Variants in LONRF3 observed in about 807,000 individuals in gnomAD.
LONRF3 encodes the protein LON peptidase N-terminal domain and ring finger 3.
Under a neutral mutation model 51.7 loss-of-function variants are expected in LONRF3, and 19 were observed. That is an observed-to-expected ratio of 0.37 (90% CI 0.26 to 0.54). The LOEUF (loss-of-function observed/expected upper bound fraction) is 0.54, where lower values mean the gene tolerates loss of function less well. Ranked by LOEUF, LONRF3 falls within the 20% of genes least tolerant of loss-of-function variation. The probability of loss-of-function intolerance (pLI) is 0.86; values close to 1 mark genes in which losing one functional copy is unlikely to be tolerated. For missense variants in LONRF3, 521 were observed against 623.9 expected (o/e 0.84, Z 1.76); for synonymous variants, 265 against 257.8 (o/e 1.03, Z -0.27).
chrX:118,988,356 A>G (rs1923162420), intron 3 of LONRF3, among the ~76,000 whole-genome samples: 1 of 111,878 alleles, frequency 8.9e-6, no homozygotes, highest in Non-Finnish European at 1.9e-5. Flanking sequence ...TCCAATGTCA[A>G]CCAGCTGGGG....
chrX:119,014,812 C>T (rs987503611), intron 10 of LONRF3, among the ~76,000 whole-genome samples: 1 of 111,496 alleles, frequency 9.0e-6, no homozygotes, highest in African/African-American at 3.3e-5. Context: ...GGGGATAGGG[C>T]CAGCTACCCT....
rs371160667 is a variant in LONRF3, at chrX:118,975,381, G to C, written c.601G>C (p.Ala201Pro). The C allele has an allele frequency of 4.7e-5, 57 of 1,205,545 alleles. No homozygotes were observed. The African/African-American group carries it at 8.7e-4, about 18-fold the overall frequency. The change falls in exon 1 of 11, where the codon GCC (alanine) becomes CCC (proline). Residue 201 changes from alanine (A) to proline (P), a missense_variant. Physicochemically the swap from Ala to Pro is conservative, Grantham distance 27 (BLOSUM62 -1). Coordinates refer to ENST00000371628, the MANE Select transcript of LONRF3 (RefSeq NM_001031855.3). The stretch of plus-strand genomic sequence containing the variant: ...TGCGCTGTGCGGGGTCAAGCTCTCC[G>C]CCTTGATGGTGGCCACTGGGCGGGC... ...RCALCGVKLS[A>P]LMVATGRARG...
Position 119,014,283 on chromosome X carries a change from C to A in LONRF3, c.2051C>A (p.Ser684Ter). The A allele has an allele frequency of 8.3e-7, 1 of 1,209,721 alleles. No homozygotes were observed. Among genetic ancestry groups the A allele is most frequent in the Non-Finnish European group, 1.1e-6 (1 of 893,775 alleles). Residue 684 changes from serine to a stop codon, truncating the protein, a stop_gained, in exon 10 of 11, where the codon TCG becomes TAG. Transcript: ENST00000371628. LOFTEE classifies it high-confidence loss of function. ...VYQQASLWFH[S>*]LKLSLKNRIL... is the part of the protein sequence containing the mutation. The stretch of plus-strand genomic sequence containing the variant: ...CAGCAAGCATCATTGTGGTTTCATT[C>A]GCTCAAATTATCCCTAAAGAATCGG...
rs767095760 is a variant in LONRF3 at position 119,009,894 on chromosome X, C to T, written c.1652+647C>T. On this transcript the variant is annotated intron_variant, in intron 7 of 10. Coordinates refer to ENST00000371628, the MANE Select transcript of LONRF3 (RefSeq NM_001031855.3). ...AAGCGATTCTCCTGCCTCAGCCACC[C>T]GAGTAGCTGAGATTACAGGCATGCA... Among the ~76,000 whole-genome samples, 6 of 110,832 alleles carry T rather than the reference C, an allele frequency of 5.4e-5. No individual in the cohort carries two copies. The East Asian group carries it at 1.7e-3, about 32-fold the overall frequency.
chrX:119,013,540 C>T (rs907728150), intron 9 of LONRF3, among the ~76,000 whole-genome samples: 7 of 111,722 alleles, frequency 6.3e-5, no homozygotes, highest in African/African-American at 2.3e-4. Context: ...TTTTATCTAT[C>T]GATTTATGTA....
At chrX:119,012,678 C>T (rs1226634395) in intron 8 of LONRF3, among the ~76,000 whole-genome samples, 2 of 111,658 alleles carry the variant, frequency 1.8e-5, no homozygotes, top group East Asian at 5.6e-4. Context: ...ACCATATCAG[C>T]ATTAATGCAT....
intron 9 of LONRF3, 21 bp from the exon 10 acceptor site, chrX:119,014,186 C>T: frequency 8.4e-7 from 1 of 1,195,654 alleles, no homozygotes. Flanking sequence ...GAATGTTTCA[C>T]TTCCACTTTG....
chrX:118,981,660 C>T (rs1362819186), intron 2 of LONRF3, among the ~76,000 whole-genome samples: 2 of 110,892 alleles, frequency 1.8e-5, no homozygotes, highest in African/African-American at 3.3e-5. Context: ...GGGAGGCCAT[C>T]AACATCCATG....
At chrX:118,983,076 A>G (rs1922693164) in intron 3 of LONRF3, 133 bp downstream of exon 3, 1 of 624,950 alleles carries the variant, frequency 1.6e-6, no homozygotes, top group East Asian at 3.5e-5. Flanking sequence ...GGTTAAGGGG[A>G]CAAAAGGGAG....
At chrX:119,008,834 ATTTCAGTG>A (rs1924906215) in intron 6 of LONRF3, among the ~76,000 whole-genome samples, 1 of 111,997 alleles carries the variant, frequency 8.9e-6, no homozygotes, top group Admixed American at 9.5e-5. Flanking sequence ...CATGATCTTG[ATTTCAGTG>A]TTTCAGAAAA....
chrX:118,984,373 A>C (rs1011604096), intron 3 of LONRF3, among the ~76,000 whole-genome samples: 1 of 112,643 alleles, frequency 8.9e-6, no homozygotes, highest in Non-Finnish European at 1.9e-5. Context: ...TTCCAGTTCC[A>C]GGATGAACAA....
At chrX:119,012,935 G>A (rs1204666038) in intron 8 of LONRF3, 104 bp from the exon 9 acceptor site, 2 of 1,203,815 alleles carry the variant, frequency 1.7e-6, no homozygotes, top group Admixed American at 4.4e-5. Flanking sequence ...ATAGGCAGAA[G>A]TCCCTTGAGC....
Position 119,017,530 on chromosome X carries a change from T to G in LONRF3, c.2125-5T>G. ...GGATGACTCCATTGTGTTTCTCTGT[T>G]GCAGATGAACCCGAATGGCCCAGCC... On this transcript the variant is annotated splice_region_variant and splice_polypyrimidine_tract_variant and intron_variant, in intron 10 of 10. Transcript: ENST00000371628. The G allele has an allele frequency of 4.1e-6, 5 of 1,207,703 alleles. No individual in the cohort carries two copies. Among genetic ancestry groups the G allele is most frequent in the Non-Finnish European group, 5.6e-6 (5 of 893,520 alleles).
intron 5 of LONRF3, among the ~76,000 whole-genome samples, chrX:119,003,591 A>G (rs1270765587): frequency 1.8e-5 from 2 of 111,960 alleles, no homozygotes; most frequent in South Asian, 3.7e-4. Flanking sequence ...CCCCGAGTCT[A>G]TTTGTCCTTG....
intron 5 of LONRF3, among the ~76,000 whole-genome samples, chrX:118,997,959 A>T (rs1480527110): frequency 1.8e-5 from 2 of 112,398 alleles, no homozygotes; most frequent in African/African-American, 6.5e-5. Flanking sequence ...CATAATAAAA[A>T]ACTCAAAAAA....
chrX:119,003,142 G>C lies in LONRF3; in HGVS notation c.1416-2979G>C, dbSNP rs140198735. 2.4e-3 allele frequency among the ~76,000 whole-genome samples: 263 copies of C among 111,431 alleles called. 2 individuals carry two copies. Among genetic ancestry groups the C allele is most frequent in the African/African-American group, 8.2e-3 (252 of 30,672 alleles). On this transcript the variant is annotated intron_variant, in intron 5 of 10. Transcript: ENST00000371628. ...ATCTTTTCATTTATAGACAGGGTCA[G>C]AATTCATTTTTTTTACCTTCAGGTC...
In LONRF3 at chrX:118,989,596, C is replaced by T; in HGVS notation, c.1248C>T (p.Cys416=). ...PKAASSKTGK[C]QEKKRKHCQI... is the part of the protein sequence containing the mutation. Reference sequence around the variant, plus strand: ...CTGCTTCCAGCAAGACTGGAAAATGCCAGGAAAAGAAAAGGAAACATTGCC... The same window carrying T: ...CTGCTTCCAGCAAGACTGGAAAATGTCAGGAAAAGAAAAGGAAACATTGCC... The change falls in exon 4 of 11, where the codon TGC becomes TGT. Residue 416 remains cysteine, a synonymous_variant. Coordinates refer to ENST00000371628, the MANE Select transcript of LONRF3 (RefSeq NM_001031855.3). 1 of 1,210,375 alleles carries T rather than the reference C, an allele frequency of 8.3e-7. No homozygotes were observed. Among genetic ancestry groups the T allele is most frequent in the South Asian group, 1.8e-5 (1 of 56,797 alleles).
At chrX:118,991,585 G>A (rs142630608) in intron 5 of LONRF3, among the ~76,000 whole-genome samples, 54 of 112,261 alleles carry the variant, frequency 4.8e-4, no homozygotes, top group East Asian at 3.9e-3. Flanking sequence ...AAGAGGCTAT[G>A]ATTATGGTGT....
At chrX:118,996,435 G>T (rs1243992126) in intron 5 of LONRF3, among the ~76,000 whole-genome samples, 1 of 111,245 alleles carries the variant, frequency 9.0e-6, no homozygotes, top group African/African-American at 3.3e-5. Context: ...CCTCTAGAAA[G>T]CTCCTAGAAC....
Sources: allele counts gnomAD v4.1 joint callset (sites outside exome capture counted in the v4.1 genomes callset), GRCh38; gene constraint gnomAD v4.1.1; transcripts MANE v1.5; gene names NCBI Gene and HGNC (gene_info 2026-07-23, HGNC 2026-07-21).